Variants in RMDN2 observed in about 807,000 individuals in gnomAD.
RMDN2 encodes regulator of microtubule dynamics 2.
Under a neutral mutation model 52.8 loss-of-function variants are expected in RMDN2, and 61 were observed. The ratio of observed to expected loss-of-function variants is 1.16; its 90% CI spans 0.94 to 1.43. The LOEUF is 1.43. Among genes scored for constraint, RMDN2 ranks in the 40% most tolerant of loss-of-function variants. The pLI is 0.00. For synonymous variants in RMDN2, 180 were observed against 153.1 expected (o/e 1.18, Z -1.30); for missense variants, 592 against 475.3 (o/e 1.25, Z -2.28).
intron 10 of RMDN2, among the ~76,000 whole-genome samples, chr2:38,023,916 A>G (rs951999738): frequency 6.6e-6 from 1 of 152,192 alleles, no homozygotes; most frequent in Non-Finnish European, 1.5e-5. Context: ...ATGTTTCTTC[A>G]TGCCCCTTGG....
chr2:37,978,596 C>A (rs1672877667), intron 4 of RMDN2, among the ~76,000 whole-genome samples: 1 of 151,936 alleles, frequency 6.6e-6, no homozygotes, highest in East Asian at 1.9e-4. Flanking sequence ...GAGGCCAAGG[C>A]GGGCAGATAG....
intron 10 of RMDN2, among the ~76,000 whole-genome samples, chr2:38,050,157 T>C (rs367714089): frequency 6.6e-6 from 1 of 152,024 alleles, no homozygotes; most frequent in African/African-American, 2.4e-5. Flanking sequence ...TAAAGAAAAG[T>C]TTTAAGCCTA....
At chr2:37,983,190 G>T (rs1673560203) in intron 5 of RMDN2, among the ~76,000 whole-genome samples, 1 of 152,056 alleles carries the variant, frequency 6.6e-6, no homozygotes, top group South Asian at 2.1e-4. Flanking sequence ...TTAAAAATGT[G>T]CATTTGGTGT....
intron 2 of RMDN2, among the ~76,000 whole-genome samples, chr2:37,940,173 T>A (rs776580424): frequency 1.3e-5 from 2 of 152,248 alleles, no homozygotes; most frequent in Non-Finnish European, 2.9e-5. Flanking sequence ...AGTTCTGGGT[T>A]GAAAATTCTT....
intron 2 of RMDN2, chr2:37,951,813 G>A: frequency 6.2e-7 from 1 of 1,613,586 alleles, no homozygotes; most frequent in Non-Finnish European, 8.5e-7. Context: ...TCCAGCCTTT[G>A]GGAACACTAT....
At chr2:38,009,517 G>C (rs1233641228) in intron 10 of RMDN2, among the ~76,000 whole-genome samples, 1 of 152,166 alleles carries the variant, frequency 6.6e-6, no homozygotes, top group Non-Finnish European at 1.5e-5. Flanking sequence ...ACTGAGGCTT[G>C]TGCATTTGTC....
At chr2:38,006,756 T>C (rs1168508266) in intron 10 of RMDN2, among the ~76,000 whole-genome samples, 1 of 152,206 alleles carries the variant, frequency 6.6e-6, no homozygotes, top group Non-Finnish European at 1.5e-5. Context: ...ATAGGAGTGG[T>C]GAGAGAGGGC....
chr2:38,021,694 G>A (rs1266075618), downstream of RMDN2, among the ~76,000 whole-genome samples: 2 of 152,140 alleles, frequency 1.3e-5, no homozygotes, highest in African/African-American at 2.4e-5. Flanking sequence ...AGTGTGCAAC[G>A]TACATCCCTC....
At chr2:37,980,138 T>C (rs1280705606) in intron 4 of RMDN2, among the ~76,000 whole-genome samples, 1 of 152,126 alleles carries the variant, frequency 6.6e-6, no homozygotes, top group African/African-American at 2.4e-5. Context: ...ATTTTGCATA[T>C]CCTTGGATAG....
intron 10 of RMDN2, among the ~76,000 whole-genome samples, chr2:38,043,364 A>G (rs1463406711): frequency 6.6e-6 from 1 of 152,048 alleles, no homozygotes; most frequent in African/African-American, 2.4e-5. Context: ...CCATCCCTTT[A>G]CTTTTAATCT....
intron 10 of RMDN2, among the ~76,000 whole-genome samples, chr2:38,035,635 A>G (rs974408623): frequency 2.4e-4 from 37 of 152,242 alleles, no homozygotes; most frequent in African/African-American, 7.5e-4. Context: ...ATAAAAATGT[A>G]TATGATAAAA....
chr2:37,995,321 T>TGAC (rs1413219774), intron 7 of RMDN2, among the ~76,000 whole-genome samples: 2 of 113,058 alleles, frequency 1.8e-5, no homozygotes, highest in East Asian at 3.2e-4. Flanking sequence ...GAAGAGGGGA[T>TGAC]GACTACTACT....
Position 38,047,832 on chromosome 2 carries a change from T to A in RMDN2, c.1714-19150T>A, listed in dbSNP as rs140771476. Among the ~76,000 whole-genome samples the A allele has an allele frequency of 4.4e-3, 671 of 152,360 alleles. 5 individuals are homozygous for A. The highest frequency in any genetic ancestry group is 0.016 in the African/African-American group (646 of 41,584). On this transcript the variant is annotated intron_variant, in intron 10 of 10. Coordinates refer to the RMDN2 transcript ENST00000234195. ...TTATGGCAGATATGTGTGGCTCTTC[T>A]TTCTCTTTTATCATCCCAATCTCAT... is the stretch of plus-strand genomic sequence containing the variant.
rs188831511 is a variant in RMDN2 at position 37,977,551 on chromosome 2, C to T, written c.730+2237C>T. 7.6e-4 allele frequency among the ~76,000 whole-genome samples: 116 copies of T among 151,898 alleles called. 2 individuals are homozygous for T. Among genetic ancestry groups the T allele is most frequent in the Admixed American group, 3.7e-3 (57 of 15,246 alleles). Reference sequence around the variant, plus strand: ...GGGGCGGCTGCCAGGCGGAGGGGCTCCTCAGTTCCCAGATGGGGCGGCTGC... The same window carrying T: ...GGGGCGGCTGCCAGGCGGAGGGGCTTCTCAGTTCCCAGATGGGGCGGCTGC... On this transcript the variant is annotated intron_variant, in intron 4 of 10. Transcript: ENST00000354545.
At chr2:37,948,766 C>T (rs761842918) in intron 2 of RMDN2, among the ~76,000 whole-genome samples, 1 of 152,088 alleles carries the variant, frequency 6.6e-6, no homozygotes, top group South Asian at 2.1e-4. Context: ...CCCCCAAATG[C>T]GCACACACCT....
chr2:37,971,883 T>C (rs892607704), intron 2 of RMDN2, among the ~76,000 whole-genome samples: 2 of 152,226 alleles, frequency 1.3e-5, no homozygotes. Flanking sequence ...TCTACAAAAA[T>C]TCCTATTAGG....
chr2:37,952,476 CTGAG>C, intron 2 of RMDN2: 1 of 476,480 alleles, frequency 2.1e-6, no homozygotes, highest in South Asian at 5.2e-5. Context: ...TCTCAGATTT[CTGAG>C]TGACTATTAT....
intron 10 of RMDN2, chr2:38,012,744 A>G (rs1678186751): frequency 5.8e-6 from 2 of 342,310 alleles, no homozygotes; most frequent in Admixed American, 9.2e-5. Flanking sequence ...GTTTTTTCAG[A>G]TTGAAATATA....
chr2:37,944,327 A>C (rs1469926884), intron 2 of RMDN2, among the ~76,000 whole-genome samples: 1 of 68,508 alleles, frequency 1.5e-5, no homozygotes, highest in Non-Finnish European at 2.7e-5. Context: ...AAAAACAGCC[A>C]ATCTCAAAAA....
Sources: allele counts gnomAD v4.1 joint callset (sites outside exome capture counted in the v4.1 genomes callset), GRCh38; gene constraint gnomAD v4.1.1; transcripts MANE v1.5; gene names NCBI Gene and HGNC (gene_info 2026-07-23, HGNC 2026-07-21).